Variants in TECTA observed in about 807,000 individuals in gnomAD.
TECTA encodes the protein tectorin alpha, also known as alpha-tectorin.
In TECTA, 128 loss-of-function variants were observed where a neutral mutation model predicts 216.8. That is an observed-to-expected ratio of 0.59 (90% CI 0.51 to 0.68). The LOEUF (loss-of-function observed/expected upper bound fraction) is 0.68, where lower values mean the gene tolerates loss of function less well. Among genes scored for constraint, TECTA ranks in the 30% least tolerant of loss-of-function variants. TECTA has a pLI of 0.00. For synonymous variants in TECTA, 1,089 were observed against 1,117.1 expected, an observed-to-expected ratio of 0.97 and a Z score of 0.50; for missense variants, 2,551 against 2,786.2, an observed-to-expected ratio of 0.92 and a Z score of 1.90.
In TECTA at chr11:121,113,836, C is replaced by T. The variant is rs527291432; in HGVS notation, c.790+118C>T. 86 of 1,227,120 alleles carry T rather than the reference C, an allele frequency of 7.0e-5. No individual in the cohort carries two copies. The highest frequency in any genetic ancestry group is 5.4e-4 in the Middle Eastern group (2 of 3,728). The allele number at this position is 1,227,120 out of a possible 1,614,324, so 76.0% of individuals were successfully genotyped here. A position where few individuals can be genotyped will look rare whatever the true frequency, so the allele number is the denominator to read the frequency against. ...ATGCCTTACTCTTTTGACATCTCTC[C>T]GCTGGGTAATGGAGATCAAGGTAAT... On this transcript the variant is annotated intron_variant, in intron 6 of 23. Transcript: ENST00000392793. The surrounding 1 kb of genome is among the most constrained non-coding windows in gnomAD (Gnocchi z 4.2).
chr11:121,111,670 G>A (rs1165702093), intron 4 of TECTA, among the ~76,000 whole-genome samples: 1 of 152,170 alleles, frequency 6.6e-6, no homozygotes, highest in Non-Finnish European at 1.5e-5. Flanking sequence ...GAGAATCTTG[G>A]TCTGAAGGAG....
chr11:121,131,360 A>G (rs762756518), intron 10 of TECTA, among the ~76,000 whole-genome samples: 19 of 152,204 alleles, frequency 1.2e-4, no homozygotes, highest in Admixed American at 2.6e-4. Flanking sequence ...ATTCTCTCAG[A>G]TTCCCGAATC....
At chr11:121,140,115 G>A (rs1439642933) in intron 11 of TECTA, among the ~76,000 whole-genome samples, 1 of 151,954 alleles carries the variant, frequency 6.6e-6, no homozygotes, top group Non-Finnish European at 1.5e-5. Context: ...CTCTTCATGG[G>A]TCCTGTCTCA....
chr11:121,111,333 C>T (rs914752995), intron 4 of TECTA, among the ~76,000 whole-genome samples: 15 of 152,342 alleles, frequency 9.8e-5, no homozygotes, highest in African/African-American at 2.6e-4. Context: ...GGAGACAGAG[C>T]AGGGTTCAAA....
chr11:121,113,435 C>T lies in TECTA; in HGVS notation c.625-118C>T. Reference sequence around the variant, plus strand: ...ACCTAGAATGCTGGCCCCAGTGACTCCAGGAAAAGACGGCTCTTGATTTTA... The same window carrying T: ...ACCTAGAATGCTGGCCCCAGTGACTTCAGGAAAAGACGGCTCTTGATTTTA... On this transcript the variant is annotated intron_variant, in intron 5 of 23. Transcript: ENST00000392793. This position sits in a 1 kb window ranked among gnomAD's most constrained non-coding sequence, Gnocchi z 4.2. The T allele has an allele frequency of 6.7e-7, 1 of 1,499,462 alleles. No homozygotes were observed. The highest frequency in any genetic ancestry group is 9.3e-7 in the Non-Finnish European group (1 of 1,080,424). 92.9% of individuals were successfully genotyped at this position (1,499,462 alleles called of 1,614,324 possible). A position where few individuals can be genotyped will look rare whatever the true frequency, so the allele number is the denominator to read the frequency against.
intron 20 of TECTA, among the ~76,000 whole-genome samples, chr11:121,180,029 A>T (rs1257060729): frequency 6.7e-6 from 1 of 148,452 alleles, no homozygotes; most frequent in African/African-American, 2.5e-5. Flanking sequence ...TGGGGAATTT[A>T]ATCTGCTTAT....
rs1946468902 is a variant in TECTA at position 121,113,763 on chromosome 11, G to A, written c.790+45G>A. 6.2e-7 allele frequency: 1 copy of A among 1,610,322 alleles called. No individual in the cohort carries two copies. The highest frequency in any genetic ancestry group is 8.5e-7 in the Non-Finnish European group (1 of 1,179,160). ...TGTGGCAAGGCAGGGTTTGTTTAGT[G>A]TAGATTGACAGGCAAGCTTTTAAGC... On this transcript the variant is annotated intron_variant, in intron 6 of 23. Coordinates refer to ENST00000392793, the MANE Select transcript of TECTA (RefSeq NM_005422.4). This position sits in a 1 kb window ranked among gnomAD's most constrained non-coding sequence, Gnocchi z 4.2.
intron 13 of TECTA, among the ~76,000 whole-genome samples, chr11:121,156,161 AT>A (rs1946939250): frequency 6.6e-6 from 1 of 152,068 alleles, no homozygotes; most frequent in Admixed American, 6.5e-5. Context: ...GTAAGACATT[AT>A]TTTTAATTTA....
At chr11:121,160,809 G>A (rs929860276) in intron 15 of TECTA, among the ~76,000 whole-genome samples, 31 of 152,192 alleles carry the variant, frequency 2.0e-4, no homozygotes, top group African/African-American at 7.2e-4. Context: ...TTAATGCTGG[G>A]TCTAATTGTG....
intron 10 of TECTA, among the ~76,000 whole-genome samples, chr11:121,137,193 T>TGC (rs1266132067): frequency 6.6e-6 from 1 of 151,784 alleles, no homozygotes; most frequent in Non-Finnish European, 1.5e-5. Context: ...CAGGCACTCA[T>TGC]ACGTACACAC....
intron 6 of TECTA, among the ~76,000 whole-genome samples, chr11:121,115,831 AT>A (rs1946496661): frequency 6.6e-6 from 1 of 152,008 alleles, no homozygotes; most frequent in Non-Finnish European, 1.5e-5. Context: ...GCTAATTTTT[AT>A]TTTTTGTAGA....
chr11:121,113,905 T>G lies in TECTA; in HGVS notation c.790+187T>G, dbSNP rs1946470676. Among the ~76,000 whole-genome samples, 1 of 152,192 alleles carries G rather than the reference T, an allele frequency of 6.6e-6. No homozygotes were observed. The highest frequency in any genetic ancestry group is 2.1e-4 in the South Asian group (1 of 4,822). The stretch of plus-strand genomic sequence containing the variant: ...CACATCAGAAGCTAAAACACTGCAT[T>G]CACTACCTTGTGGCTTTGGAAGTCC... On this transcript the variant is annotated intron_variant, in intron 6 of 23. Coordinates refer to ENST00000392793, the MANE Select transcript of TECTA (RefSeq NM_005422.4). This position sits in a 1 kb window ranked among gnomAD's most constrained non-coding sequence, Gnocchi z 4.2.
intron 15 of TECTA, among the ~76,000 whole-genome samples, chr11:121,160,694 G>A (rs1946990412): frequency 6.6e-6 from 1 of 152,094 alleles, no homozygotes; most frequent in Non-Finnish European, 1.5e-5. Context: ...TGCCCAGGAT[G>A]AGAACTCTGA....
chr11:121,152,941 G>T lies in TECTA; in HGVS notation c.4166G>T (p.Cys1389Phe). The change falls in exon 13 of 24, where the codon TGC becomes TTC. Residue 1389 changes from cysteine (C) to phenylalanine (F), a missense_variant. By Grantham distance (205) the Cys-to-Phe change is radical. Around this residue, in one of 3 missense-constraint regions of TECTA, gnomAD observed 2,375 missense variants for 2,563.9 expected, o/e 0.93. Transcript: ENST00000392793. ...TGCGTGAGTGTCTGCCAGCCCCGCT[G>T]CGCCGCCATCCGCCTGAAGAGTGAC... ...ESCVSVCQPR[C>F]AAIRLKSDCS... 1 of 1,613,240 alleles carries T rather than the reference G, an allele frequency of 6.2e-7. No homozygotes were observed. Among genetic ancestry groups the T allele is most frequent in the Non-Finnish European group, 8.5e-7 (1 of 1,179,342 alleles).
intron 20 of TECTA, among the ~76,000 whole-genome samples, chr11:121,186,898 T>C (rs1482951432): frequency 6.6e-6 from 1 of 152,360 alleles, no homozygotes; most frequent in Non-Finnish European, 1.5e-5. Context: ...TGTTCACTCA[T>C]TCATTCATCT....
At position 121,113,702 on chromosome 11, in the gene TECTA, T is replaced by A; in HGVS notation, c.774T>A (p.Asn258Lys). The change falls in exon 6 of 24, where the codon AAT (asparagine) becomes AAA (lysine). Residue 258 changes from asparagine to lysine, a missense_variant. Coordinates refer to ENST00000392793, the MANE Select transcript of TECTA (RefSeq NM_005422.4). This position sits in a 1 kb window ranked among gnomAD's most constrained non-coding sequence, Gnocchi z 4.2. ...KVDGKEIDPANGCTSRGQFLR... is the reference protein window; with the variant it reads ...KVDGKEIDPAKGCTSRGQFLR... ...ATGGAAAGGAAATTGACCCAGCCAA[T>A]GGCTGCACCTCAAGGGGTAAAGCTT... The A allele has an allele frequency of 1.2e-6, 2 of 1,613,718 alleles. No homozygotes were observed. The highest frequency in any genetic ancestry group is 1.7e-6 in the Non-Finnish European group (2 of 1,180,014).
chr11:121,137,602 G>C lies in TECTA; in HGVS notation c.3123G>C (p.Glu1041Asp), dbSNP rs751887703. Residue 1041 changes from glutamate (E) to aspartate (D), a missense_variant, in exon 11 of 24, where the codon GAG (glutamate) becomes GAC (aspartate). Around this residue, in one of 3 missense-constraint regions of TECTA, gnomAD observed 2,375 missense variants for 2,563.9 expected, o/e 0.93. Coordinates refer to ENST00000392793, the MANE Select transcript of TECTA (RefSeq NM_005422.4). The part of the protein sequence containing the change: ...VTRSECGCNF[E>D]GHQLATNETF... ...GGAGTGAGTGTGGCTGCAACTTTGA[G>C]GGGCACCAACTTGCCACCAATGAGA... 51 of 1,613,860 alleles carry C rather than the reference G, an allele frequency of 3.2e-5. No individual in the cohort carries two copies. Among genetic ancestry groups the C allele is most frequent in the Non-Finnish European group, 4.2e-5 (49 of 1,180,014 alleles).
chr11:121,173,033 G>A (rs1419546329), intron 20 of TECTA, among the ~76,000 whole-genome samples: 269 of 151,466 alleles, frequency 1.8e-3, no homozygotes, highest in Admixed American at 4.1e-3. Flanking sequence ...TTTTGATGGG[G>A]TTGTTTGTTT....
chr11:121,141,970 G>T (rs1946788904), intron 11 of TECTA, among the ~76,000 whole-genome samples: 1 of 152,190 alleles, frequency 6.6e-6, no homozygotes, highest in African/African-American at 2.4e-5. Flanking sequence ...TCAGCCAGGA[G>T]AACCTTAGGG....
Sources: gnomAD v4.1 joint callset for allele counts (sites outside exome capture counted in the v4.1 genomes callset) on GRCh38, gnomAD v4.1.1 for gene constraint, gnomAD v4.1.1 regional missense constraint, Gnocchi (gnomAD v3.1) non-coding constraint, MANE v1.5 for transcripts, NCBI Gene and HGNC (gene_info 2026-07-23, HGNC 2026-07-21) for gene names.